The following LDB2 variants were observed in gnomAD, a reference collection of about 807,000 sequenced individuals.
LDB2 encodes LIM domain-binding protein 2.
In LDB2, 12 loss-of-function variants were observed where a neutral mutation model predicts 44.3. The observed-to-expected ratio is 0.27, with a 90% CI of 0.17 to 0.44. The LOEUF (loss-of-function observed/expected upper bound fraction) is 0.44. Among genes scored for constraint, LDB2 ranks in the 20% least tolerant of loss-of-function variants. LDB2 has a pLI of 1.00. For synonymous variants in LDB2, 164 were observed against 174.8 expected (o/e 0.94, Z 0.49); for missense variants, 344 against 473.5 (o/e 0.73, Z 2.54).
chr4:16,508,404 T>G, intron 7 of LDB2, 131 bp downstream of exon 7: 1 of 816,330 alleles, frequency 1.2e-6, no homozygotes, highest in South Asian at 2.9e-5. Flanking sequence ...TCCCTGTCTT[T>G]TATCCCTCCC....
chr4:16,538,518 C>CACCA (rs1478191513), intron 5 of LDB2, among the ~76,000 whole-genome samples: 3 of 152,168 alleles, frequency 2.0e-5, no homozygotes, highest in African/African-American at 7.2e-5. Flanking sequence ...TTCCCCTTCC[C>CACCA]ACCATGCTTG....
At chr4:16,625,210 C>A (rs1251203533) in intron 2 of LDB2, among the ~76,000 whole-genome samples, 1 of 152,204 alleles carries the variant, frequency 6.6e-6, no homozygotes, top group African/African-American at 2.4e-5. Flanking sequence ...TCCAGCAGCA[C>A]AGAACTTCTT....
chr4:16,843,723 G>A (rs1367471420), intron 1 of LDB2, among the ~76,000 whole-genome samples: 3 of 152,098 alleles, frequency 2.0e-5, no homozygotes, highest in African/African-American at 7.2e-5. Context: ...CCAGGTTCAA[G>A]CTATTCTCCT....
chr4:16,614,580 C>CAAAAAAAAAAAAAA (rs1164613202), intron 2 of LDB2, among the ~76,000 whole-genome samples: 4 of 53,764 alleles, frequency 7.4e-5, no homozygotes, highest in Admixed American at 2.2e-4. Flanking sequence ...CAAGAAAAAA[C>CAAAAAAAAAAAAAA]AAAAAAAAAA....
At chr4:16,755,967 T>C (rs1766552076) in intron 2 of LDB2, among the ~76,000 whole-genome samples, 1 of 152,138 alleles carries the variant, frequency 6.6e-6, no homozygotes, top group African/African-American at 2.4e-5. Flanking sequence ...ACCTGCCCAA[T>C]CATATCTCAC....
At chr4:16,730,076 T>C (rs1382599330) in intron 2 of LDB2, among the ~76,000 whole-genome samples, 1 of 152,186 alleles carries the variant, frequency 6.6e-6, no homozygotes, top group South Asian at 2.1e-4. Context: ...TTCTATTCTA[T>C]TCTGTTTTCA....
Position 16,584,887 on chromosome 4 carries a change from C to T in LDB2, c.615+1035G>A, listed in dbSNP as rs149211021. Among the ~76,000 whole-genome samples the T allele has an allele frequency of 1.4e-4, 21 of 152,306 alleles. No homozygotes were observed. The East Asian group carries it at 3.9e-3, about 28-fold the overall frequency. The stretch of plus-strand genomic sequence containing the variant: ...TAAAAGATGTAACTAAGAATCTGTC[C>T]AAGATCTTGCTATAGGGTGAGTGAC... On this transcript the variant is annotated intron_variant, in intron 5 of 7. Transcript: ENST00000304523.
intron 2 of LDB2, among the ~76,000 whole-genome samples, chr4:16,606,301 G>C (rs900990713): frequency 5.3e-5 from 8 of 152,100 alleles, no homozygotes; most frequent in African/African-American, 1.9e-4. Context: ...AAATTATCTA[G>C]ATATTCCCAT....
At chr4:16,829,456 A>C in intron 1 of LDB2, among the ~76,000 whole-genome samples, 1 of 152,182 alleles carries the variant, frequency 6.6e-6, no homozygotes, top group Non-Finnish European at 1.5e-5. Flanking sequence ...ATTTTTTAAA[A>C]CCGTGTGTCT....
intron 1 of LDB2, among the ~76,000 whole-genome samples, chr4:16,804,418 T>G (rs1778406606): frequency 6.6e-6 from 1 of 152,206 alleles, no homozygotes; most frequent in South Asian, 2.1e-4. Flanking sequence ...GGAAATTAAC[T>G]CTTCTAAATT....
intron 1 of LDB2, among the ~76,000 whole-genome samples, chr4:16,808,317 A>T (rs1779165103): frequency 6.6e-6 from 1 of 152,200 alleles, no homozygotes; most frequent in African/African-American, 2.4e-5. Context: ...AGCAAGACAC[A>T]GACATGGCTG....
chr4:16,814,751 T>TA (rs1006700587), intron 1 of LDB2, among the ~76,000 whole-genome samples: 2 of 152,146 alleles, frequency 1.3e-5, no homozygotes, highest in African/African-American at 4.8e-5. Flanking sequence ...AGAGAGTTTT[T>TA]AAAAAAGGGG....
chr4:16,811,409 A>T (rs1489003335), intron 1 of LDB2, among the ~76,000 whole-genome samples: 1 of 152,184 alleles, frequency 6.6e-6, no homozygotes, highest in Non-Finnish European at 1.5e-5. Flanking sequence ...CCTTTGAATT[A>T]TTCTACTATA....
chr4:16,895,525 A>G (rs1053871328), intron 1 of LDB2, among the ~76,000 whole-genome samples: 6 of 151,588 alleles, frequency 4.0e-5, no homozygotes, highest in Non-Finnish European at 8.8e-5. Context: ...ACTTGAGAGT[A>G]TTACCCAGTG....
At chr4:16,705,260 T>C (rs969846461) in intron 2 of LDB2, among the ~76,000 whole-genome samples, 3 of 152,128 alleles carry the variant, frequency 2.0e-5, no homozygotes, top group East Asian at 1.9e-4. Flanking sequence ...CTCTTTGGAA[T>C]AGAGTTCACA....
intron 1 of LDB2, among the ~76,000 whole-genome samples, chr4:16,876,188 C>T (rs1718327398): frequency 6.6e-6 from 1 of 152,226 alleles, no homozygotes; most frequent in Non-Finnish European, 1.5e-5. Flanking sequence ...TTCTTAAGTA[C>T]CCTACGTGCA....
At chr4:16,617,656 A>T (rs1560649285) in intron 2 of LDB2, among the ~76,000 whole-genome samples, 1 of 152,176 alleles carries the variant, frequency 6.6e-6, no homozygotes, top group Non-Finnish European at 1.5e-5. Context: ...AGAGCTACAC[A>T]TGGAAGGTTT....
At chr4:16,545,177 C>T (rs1375557222) in intron 5 of LDB2, among the ~76,000 whole-genome samples, 1 of 151,512 alleles carries the variant, frequency 6.6e-6, no homozygotes, top group African/African-American at 2.4e-5. Flanking sequence ...CCTTACTTCC[C>T]TCCCTCCCTC....
chr4:16,897,013 A>G (rs1265865567), intron 1 of LDB2, among the ~76,000 whole-genome samples: 1 of 152,250 alleles, frequency 6.6e-6, no homozygotes, highest in Non-Finnish European at 1.5e-5. Flanking sequence ...GTGTATTAAC[A>G]TATAAAGAAA....
Sources: gnomAD v4.1 joint callset for allele counts (sites outside exome capture counted in the v4.1 genomes callset) on GRCh38, gnomAD v4.1.1 for gene constraint, MANE v1.5 for transcripts, NCBI Gene and HGNC (gene_info 2026-07-23, HGNC 2026-07-21) for gene names.